Variants in AMZ1 observed in about 807,000 individuals in gnomAD.
The protein encoded by AMZ1 is archaelysin family metallopeptidase 1, also known as archaemetzincin-1.
In AMZ1, 39 loss-of-function variants were observed where a neutral mutation model predicts 29.9. That is an observed-to-expected ratio of 1.30 (90% CI 1.01 to 1.70). The LOEUF is 1.70. Among genes scored for constraint, AMZ1 ranks in the 40% most tolerant of loss-of-function variants. The pLI, the probability that AMZ1 is intolerant of heterozygous loss-of-function variation, is 0.00. For missense variants in AMZ1, 1,041 were observed against 680.6 expected (o/e 1.53, Z -5.89); for synonymous variants, 458 against 304.0 (o/e 1.51, Z -5.27).
At chr7:2,735,907 G>A (rs550568135) in intron 4 of AMZ1, among the ~76,000 whole-genome samples, 2 of 152,166 alleles carry the variant, frequency 1.3e-5, no homozygotes, top group Non-Finnish European at 2.9e-5. Flanking sequence ...GGGAAGAAGG[G>A]GACACAGAGC....
chr7:2,702,866 C>T lies in AMZ1; in HGVS notation c.449C>T (p.Ser150Phe). ...IRCSSRPSRD[S>F]DRLQLHTDGI... Reference sequence around the variant, plus strand: ...TGCTCCTCGCGGCCCAGCCGGGACTCTGACAGGCTCCAGCTCCACACAGGT... The same window carrying T: ...TGCTCCTCGCGGCCCAGCCGGGACTTTGACAGGCTCCAGCTCCACACAGGT... Residue 150 changes from serine to phenylalanine, a missense_variant, in exon 3 of 7, where the codon TCT (serine) becomes TTT (phenylalanine). Physicochemically the swap from Ser to Phe is radical, Grantham distance 155 (BLOSUM62 -2). Transcript: ENST00000683327. The T allele has an allele frequency of 6.3e-7, 1 of 1,588,130 alleles. No individual in the cohort carries two copies. The highest frequency in any genetic ancestry group is 8.5e-7 in the Non-Finnish European group (1 of 1,173,366).
At chr7:2,704,433 G>GTATGC (rs1583165611) in intron 3 of AMZ1, among the ~76,000 whole-genome samples, 1 of 151,728 alleles carries the variant, frequency 6.6e-6, no homozygotes, top group African/African-American at 2.4e-5. Flanking sequence ...AGCTGTGATC[G>GTATGC]TGCTACTGTA....
downstream of AMZ1, among the ~76,000 whole-genome samples, chr7:2,720,331 G>A (rs1394731986): frequency 2.0e-5 from 3 of 152,242 alleles, no homozygotes; most frequent in Non-Finnish European, 4.4e-5. Flanking sequence ...CCACGTCAGG[G>A]TGAACACTTT....
intron 4 of AMZ1, chr7:2,733,316 C>T (rs1789994008): frequency 2.7e-6 from 2 of 727,838 alleles, no homozygotes; most frequent in Non-Finnish European, 4.9e-6. Context: ...CATTACAGTA[C>T]TATTCGTGGT....
rs777970260 is a variant in AMZ1 at position 2,709,141 on chromosome 7, A to G, written c.668A>G (p.Asp223Gly). 95 of 1,594,842 alleles carry G rather than the reference A, an allele frequency of 6.0e-5. No individual in the cohort carries two copies. In the East Asian group the frequency reaches 2.1e-3, roughly 35 times the overall value. The change falls in exon 5 of 7, where the codon GAT becomes GGT. Residue 223 changes from aspartate to glycine, a missense_variant. Coordinates refer to ENST00000683327, the MANE Select transcript of AMZ1 (RefSeq NM_001384743.1). ...CCGAAGTCGGGGCCCAGCGCCCCTG[A>G]TCTGGCCCTGGTAGAGGCAGCAGCA... The part of the protein sequence containing the change: ...EFPKSGPSAP[D>G]LALVEAAADG...
intron 4 of AMZ1, among the ~76,000 whole-genome samples, chr7:2,746,166 A>G (rs57612224): frequency 2.1e-4 from 32 of 152,340 alleles, no homozygotes; most frequent in African/African-American, 7.0e-4. Context: ...TGCACCAAGC[A>G]GACCTAATAG....
upstream of AMZ1, among the ~76,000 whole-genome samples, chr7:2,686,130 C>T (rs190945407): frequency 6.6e-6 from 1 of 152,350 alleles, no homozygotes; most frequent in East Asian, 1.9e-4. Flanking sequence ...AGATCCATGA[C>T]ACGGAGTCCA....
At chr7:2,758,811 G>A (rs1166315290) in intron 4 of AMZ1, among the ~76,000 whole-genome samples, 1 of 152,216 alleles carries the variant, frequency 6.6e-6, no homozygotes, top group Non-Finnish European at 1.5e-5. Context: ...GAACACCACA[G>A]AAGAATGGAT....
chr7:2,728,193 T>C lies in AMZ1; in HGVS notation n.550+18377T>C, dbSNP rs1398431971. The C allele has an allele frequency of 1.3e-5, 2 of 152,454 alleles. 1 individual carries two copies. Among genetic ancestry groups the C allele is most frequent in the South Asian group, 4.1e-4 (2 of 4,828 alleles). 9.4% of individuals were successfully genotyped at this position (152,454 alleles called of 1,614,324 possible). On this transcript the variant is annotated intron_variant and non_coding_transcript_variant, in intron 4 of 4. Transcript: ENST00000489665. ...AAATTTTCAAGCCAGACCCTCCCAA[T>C]GTTAATACACTGTGCAAAGCTTACA...
At chr7:2,720,691 G>A (rs116929101), downstream of AMZ1, among the ~76,000 whole-genome samples, 16,788 of 151,700 alleles carry the variant, frequency 0.11, 1,063 homozygotes, top group Middle Eastern at 0.21. Context: ...GTGAGCCACT[G>A]CGCCCAGCCT....
upstream of AMZ1, among the ~76,000 whole-genome samples, chr7:2,761,750 G>T (rs1420722788): frequency 1.3e-5 from 2 of 152,178 alleles, no homozygotes; most frequent in Non-Finnish European, 2.9e-5. Flanking sequence ...ATGGGCCACT[G>T]GAAAATGAAA....
At chr7:2,700,143 C>T (rs1014611171) in intron 1 of AMZ1, 91 bp from the exon 2 acceptor site, 16 of 418,006 alleles carry the variant, frequency 3.8e-5, no homozygotes, top group African/African-American at 2.8e-4. Context: ...AGCTTCTCCC[C>T]AGGCCTGGGC....
intron 4 of AMZ1, among the ~76,000 whole-genome samples, chr7:2,752,379 G>T (rs798499): frequency 2.6e-5 from 4 of 151,958 alleles, no homozygotes; most frequent in East Asian, 3.9e-4. Flanking sequence ...AACACTGGGT[G>T]TAAGGCAAGG....
chr7:2,698,735 C>T (rs1448399947), intron 1 of AMZ1, among the ~76,000 whole-genome samples: 1 of 152,068 alleles, frequency 6.6e-6, no homozygotes, highest in Non-Finnish European at 1.5e-5. Flanking sequence ...ACTTGGGAGG[C>T]TGAAGCAGGA....
At chr7:2,757,307 TG>T (rs1938435861) in intron 4 of AMZ1, among the ~76,000 whole-genome samples, 1 of 151,766 alleles carries the variant, frequency 6.6e-6, no homozygotes, top group African/African-American at 2.4e-5. Flanking sequence ...GCTAATTTTT[TG>T]TAGTTTTAGT....
rs1355177146 is a variant in AMZ1, at chr7:2,718,826, G to A, written c.*5948G>A. Among the ~76,000 whole-genome samples the A allele has an allele frequency of 6.6e-6, 1 of 152,166 alleles. No individual in the cohort carries two copies. The highest frequency in any genetic ancestry group is 1.5e-5 in the Non-Finnish European group (1 of 68,026). ...CTCTCCCTGTGCTCTGCCCACCTGG[G>A]GTAGGCCTCTGGGAACAGGGGAGTC... On this transcript the variant is annotated 3_prime_UTR_variant, in exon 7 of 7. Coordinates refer to ENST00000683327, the MANE Select transcript of AMZ1 (RefSeq NM_001384743.1).
chr7:2,696,992 A>C (rs771493394), intron 1 of AMZ1, among the ~76,000 whole-genome samples: 7 of 152,238 alleles, frequency 4.6e-5, no homozygotes, highest in Admixed American at 1.3e-4. Context: ...TCAAACATCC[A>C]CATGTGGAAT....
At chr7:2,704,754 G>T (rs1437775490) in intron 3 of AMZ1, among the ~76,000 whole-genome samples, 1 of 151,920 alleles carries the variant, frequency 6.6e-6, no homozygotes, top group African/African-American at 2.4e-5. Flanking sequence ...CCAGTACTGT[G>T]CCTGGCTATT....
chr7:2,729,381 A>C (rs999544719), intron 4 of AMZ1: 4 of 152,390 alleles, frequency 2.6e-5, no homozygotes, highest in Non-Finnish European at 5.9e-5. Context: ...ATCTCCGGTC[A>C]CATCCGTGAG....
Sources: allele counts gnomAD v4.1 joint callset (sites outside exome capture counted in the v4.1 genomes callset), GRCh38; gene constraint gnomAD v4.1.1; transcripts MANE v1.5; gene names NCBI Gene and HGNC (gene_info 2026-07-23, HGNC 2026-07-21).